Variants in GALNT13 observed in about 807,000 individuals in gnomAD.
The protein encoded by GALNT13 is UDP-GalNAc:polypeptide N-acetylgalactosaminyltransferase 13.
In GALNT13, 28 loss-of-function variants were observed where a neutral mutation model predicts 64.2. The observed-to-expected ratio is 0.44, with a 90% CI of 0.32 to 0.60. The LOEUF (loss-of-function observed/expected upper bound fraction) is 0.60, where lower values mean the gene tolerates loss of function less well. GALNT13 is among the 20% of genes least tolerant of loss of function. The pLI is 0.05. For synonymous variants in GALNT13, 214 were observed against 224.6 expected (o/e 0.95, Z 0.42); for missense variants, 577 against 669.8 (o/e 0.86, Z 1.53).
At chr2:154,296,197 G>C (rs1329128644) in intron 8 of GALNT13, among the ~76,000 whole-genome samples, 1 of 152,066 alleles carries the variant, frequency 6.6e-6, no homozygotes, top group Admixed American at 6.6e-5. Flanking sequence ...CTTCCTCCAA[G>C]GTTCACTGCA....
chr2:153,620,043 C>T, the GALNT13 span, among the ~76,000 whole-genome samples: 1 of 152,010 alleles, frequency 6.6e-6, no homozygotes, highest in Non-Finnish European at 1.5e-5. Context: ...CCTCCTAGTC[C>T]TGTATCTTTC....
At chr2:154,292,270 G>A (rs1692688933) in intron 8 of GALNT13, among the ~76,000 whole-genome samples, 1 of 151,910 alleles carries the variant, frequency 6.6e-6, no homozygotes, top group African/African-American at 2.4e-5. Flanking sequence ...CTTTCACCAT[G>A]TTGCTGACAT....
chr2:154,448,262 A>G lies in GALNT13; in HGVS notation c.1531-2149A>G, dbSNP rs1054844730. ...GTTGCAGATGCAGTTTATCAATCAG[A>G]GTTCACTTTTACCATAAACAATGTA... On this transcript the variant is annotated intron_variant, in intron 12 of 12. Coordinates refer to ENST00000392825, the MANE Select transcript of GALNT13 (RefSeq NM_052917.4). 3.4e-4 allele frequency among the ~76,000 whole-genome samples: 51 copies of G among 152,072 alleles called. 2 individuals carry two copies. Among genetic ancestry groups the G allele is most frequent in the Non-Finnish European group, 5.9e-5 (4 of 67,972 alleles).
the GALNT13 span, among the ~76,000 whole-genome samples, chr2:153,583,050 CATTA>C: frequency 6.6e-6 from 1 of 152,092 alleles, no homozygotes; most frequent in Non-Finnish European, 1.5e-5. Context: ...GTAAGTCAGG[CATTA>C]ATTAATCACA....
intron 3 of GALNT13, among the ~76,000 whole-genome samples, chr2:154,047,679 T>C (rs1034682768): frequency 5.3e-5 from 8 of 152,232 alleles, no homozygotes; most frequent in Non-Finnish European, 8.8e-5. Flanking sequence ...TTCTAAATTC[T>C]ATTGCTTGCT....
the GALNT13 span, among the ~76,000 whole-genome samples, chr2:153,403,767 A>G: frequency 9.2e-5 from 14 of 152,168 alleles, no homozygotes; most frequent in Admixed American, 5.9e-4. Flanking sequence ...AAGTGAGGCA[A>G]TGCCTTGCCC....
At chr2:153,974,934 A>G (rs1254479997) in intron 3 of GALNT13, among the ~76,000 whole-genome samples, 1 of 152,028 alleles carries the variant, frequency 6.6e-6, no homozygotes, top group Non-Finnish European at 1.5e-5. Context: ...TTCTTAAGTG[A>G]TAAGTGGGAA....
At chr2:153,272,684 C>T in the GALNT13 span, among the ~76,000 whole-genome samples, 301 of 152,212 alleles carry the variant, frequency 2.0e-3, 2 homozygotes, top group Middle Eastern at 6.8e-3. Flanking sequence ...ATTATTAGTT[C>T]AACCATTGTG....
the GALNT13 span, among the ~76,000 whole-genome samples, chr2:153,821,868 C>A: frequency 2.0e-5 from 3 of 152,072 alleles, no homozygotes; most frequent in Admixed American, 2.0e-4. Context: ...AGAGAAAATT[C>A]ACATAACCAC....
intron 4 of GALNT13, among the ~76,000 whole-genome samples, chr2:154,156,375 G>A (rs6744657): frequency 0.36 from 55,025 of 151,872 alleles, 13,451 homozygotes; most frequent in East Asian, 0.84. Context: ...ATAAGCTTAC[G>A]TAGCATAGTG....
chr2:153,370,361 A>G, the GALNT13 span, among the ~76,000 whole-genome samples: 2 of 152,262 alleles, frequency 1.3e-5, no homozygotes, highest in South Asian at 2.1e-4. Flanking sequence ...ATAAAAAGCT[A>G]TTACAAGAAA....
chr2:153,610,244 G>A, the GALNT13 span, among the ~76,000 whole-genome samples: 7 of 151,998 alleles, frequency 4.6e-5, no homozygotes, highest in Non-Finnish European at 1.0e-4. Context: ...GCACATATAC[G>A]TACAAATACA....
chr2:153,611,796 G>A, the GALNT13 span, among the ~76,000 whole-genome samples: 7 of 141,296 alleles, frequency 5.0e-5, no homozygotes, highest in East Asian at 2.1e-4. Context: ...CTATCAATCC[G>A]TCTTCTAGGT....
chr2:153,785,045 C>T, the GALNT13 span, among the ~76,000 whole-genome samples: 2 of 152,084 alleles, frequency 1.3e-5, no homozygotes, highest in South Asian at 2.1e-4. Flanking sequence ...CAACCACCCT[C>T]ATCAATTTTT....
chr2:153,336,730 A>ATCCCT, the GALNT13 span, among the ~76,000 whole-genome samples: 1 of 152,234 alleles, frequency 6.6e-6, no homozygotes, highest in Admixed American at 6.5e-5. Flanking sequence ...GACCATTGGG[A>ATCCCT]AGGCATGATT....
the GALNT13 span, among the ~76,000 whole-genome samples, chr2:153,257,524 T>C: frequency 6.6e-6 from 1 of 152,100 alleles, no homozygotes; most frequent in African/African-American, 2.4e-5. Context: ...ATTCTGGAGA[T>C]TGTGACATTA....
At chr2:154,007,605 G>T (rs1241839993) in intron 3 of GALNT13, among the ~76,000 whole-genome samples, 1 of 151,888 alleles carries the variant, frequency 6.6e-6, no homozygotes, top group Non-Finnish European at 1.5e-5. Flanking sequence ...AAAAGGCCTA[G>T]AAATATGTTC....
the GALNT13 span, among the ~76,000 whole-genome samples, chr2:153,412,308 C>A: frequency 5.3e-5 from 8 of 152,170 alleles, no homozygotes. Flanking sequence ...CCGTCACTTA[C>A]TAGCTGTGTG....
chr2:154,070,653 C>T (rs949522299), intron 3 of GALNT13, among the ~76,000 whole-genome samples: 3 of 152,090 alleles, frequency 2.0e-5, no homozygotes, highest in African/African-American at 7.2e-5. Flanking sequence ...TGCAGTGGCT[C>T]ACACCTTTAA....
Sources: gnomAD v4.1 joint callset for allele counts (sites outside exome capture counted in the v4.1 genomes callset) on GRCh38, gnomAD v4.1.1 for gene constraint, MANE v1.5 for transcripts, NCBI Gene and HGNC (gene_info 2026-07-23, HGNC 2026-07-21) for gene names.